Variants in SYTL5 observed in about 807,000 individuals in gnomAD.
SYTL5 encodes synaptotagmin like 5, also known as synaptotagmin-like protein 5.
In SYTL5, 34 loss-of-function variants were observed where a neutral mutation model predicts 55.9. The observed-to-expected ratio is 0.61, with a 90% CI of 0.46 to 0.81. The LOEUF (loss-of-function observed/expected upper bound fraction) is 0.81. SYTL5 is among the 30% of genes least tolerant of loss of function. The probability of loss-of-function intolerance (pLI) is 0.00; values close to 1 mark genes in which losing one functional copy is unlikely to be tolerated. For synonymous variants in SYTL5, 221 were observed against 188.7 expected (o/e 1.17, Z -1.40); for missense variants, 637 against 546.7 (o/e 1.17, Z -1.65).
chrX:37,980,364 A>G, the SYTL5 span, among the ~76,000 whole-genome samples: 1 of 111,665 alleles, frequency 9.0e-6, no homozygotes, highest in Non-Finnish European at 1.9e-5. Flanking sequence ...ACAGTTATCT[A>G]TTGCCCCAAT....
intron 2 of SYTL5, among the ~76,000 whole-genome samples, chrX:38,041,789 C>T (rs190209044): frequency 8.9e-6 from 1 of 111,993 alleles, no homozygotes; most frequent in South Asian, 3.7e-4. Flanking sequence ...TTGGATTGTC[C>T]AAATAAATAA....
chrX:37,919,133 C>A, the SYTL5 span, among the ~76,000 whole-genome samples: 1 of 111,347 alleles, frequency 9.0e-6, no homozygotes, highest in Non-Finnish European at 1.9e-5. Context: ...AAGGTGTTGA[C>A]AGGACTTAGA....
the SYTL5 span, among the ~76,000 whole-genome samples, chrX:37,979,804 C>A: frequency 2.9e-5 from 3 of 105,134 alleles, no homozygotes; most frequent in Non-Finnish European, 5.9e-5. Flanking sequence ...TTTAAATTTT[C>A]TTTTCTTTTC....
chrX:38,122,712 G>A lies in SYTL5; in HGVS notation c.1841+497G>A, dbSNP rs139018467. ...CCAAGACCACCTGCTAGGCATTTGT[G>A]CCCAAGTTGTGGAGCAAAGGGCAGC... On this transcript the variant is annotated intron_variant, in intron 15 of 16. Transcript: ENST00000297875. 8.4e-3 allele frequency among the ~76,000 whole-genome samples: 941 copies of A among 112,062 alleles called. 4 individuals are homozygous for A. Among genetic ancestry groups the A allele is most frequent in the Middle Eastern group, 0.042 (9 of 216 alleles).
intron 15 of SYTL5, 126 bp from the exon 16 acceptor site, chrX:38,125,172 A>G (rs1162323266): frequency 1.9e-6 from 1 of 539,413 alleles, no homozygotes; most frequent in Non-Finnish European, 2.9e-6. Context: ...AGTTCACTAT[A>G]TAAATCCAGA....
At chrX:38,107,754 C>G (rs1258704318) in intron 11 of SYTL5, among the ~76,000 whole-genome samples, 1 of 111,736 alleles carries the variant, frequency 8.9e-6, no homozygotes, top group Admixed American at 9.5e-5. Context: ...TCCAAATCCC[C>G]TAAGATAGAC....
chrX:38,036,199 G>A (rs775700029), intron 2 of SYTL5, among the ~76,000 whole-genome samples: 1 of 110,357 alleles, frequency 9.1e-6, no homozygotes, highest in African/African-American at 3.3e-5. Flanking sequence ...CCAGCTACTC[G>A]GGAGGCTGAG....
chrX:38,034,364 C>T (rs756505976), intron 2 of SYTL5, among the ~76,000 whole-genome samples: 2 of 112,097 alleles, frequency 1.8e-5, no homozygotes, highest in East Asian at 2.8e-4. Context: ...GTTTCCTCAT[C>T]GGTAAAACAA....
the SYTL5 span, among the ~76,000 whole-genome samples, chrX:37,995,150 G>C: frequency 1.8e-5 from 2 of 110,659 alleles, no homozygotes. Context: ...GGAAGGCCTT[G>C]TGAGGCCAGG....
chrX:38,076,445 C>G (rs910075508), intron 5 of SYTL5, 122 bp from the exon 6 acceptor site: 1 of 600,674 alleles, frequency 1.7e-6, no homozygotes, highest in African/African-American at 2.3e-5. Flanking sequence ...AACCTCTCAG[C>G]CCTAAGGCTG....
chrX:37,890,863 T>C, the SYTL5 span, among the ~76,000 whole-genome samples: 8 of 111,559 alleles, frequency 7.2e-5, no homozygotes, highest in Non-Finnish European at 1.5e-4. Flanking sequence ...CCTACTAGGA[T>C]GGCTATAATA....
At chrX:38,067,484 T>C (rs1217885564) in intron 3 of SYTL5, among the ~76,000 whole-genome samples, 1 of 111,753 alleles carries the variant, frequency 8.9e-6, no homozygotes, top group African/African-American at 3.2e-5. Context: ...TTTTGTGTAC[T>C]CTTTGCCTCC....
rs1178882597 is a variant in SYTL5 at position 38,072,103 on chromosome X, A to G, written c.386A>G (p.Lys129Arg). ...WFFEEKAKRF[K>R]QVNVLGTDVV... is the part of the protein sequence containing the mutation. ...TTTGAAGAAAAGGCAAAACGTTTCA[A>G]GCAAGTCAATGTTCTCGGCACTGAT... The change falls in exon 4 of 17, where the codon AAG becomes AGG. Residue 129 changes from lysine to arginine, a missense_variant. Lys to Arg is a conservative substitution (Grantham distance 26, BLOSUM62 2). Transcript: ENST00000297875. 1.7e-6 allele frequency: 2 copies of G among 1,209,649 alleles called. No individual in the cohort carries two copies. The highest frequency in any genetic ancestry group is 2.2e-6 in the Non-Finnish European group (2 of 894,807).
At chrX:38,107,415 G>A (rs1321136461) in intron 11 of SYTL5, among the ~76,000 whole-genome samples, 2 of 111,859 alleles carry the variant, frequency 1.8e-5, no homozygotes, top group East Asian at 5.6e-4. Flanking sequence ...TTCCTCTGGC[G>A]ATGAGTTCTG....
the SYTL5 span, among the ~76,000 whole-genome samples, chrX:37,905,248 G>A: frequency 4.6e-3 from 506 of 110,839 alleles, 1 homozygote; most frequent in African/African-American, 0.016. Flanking sequence ...GGGGGGATAT[G>A]AGAGAGGAGA....
chrX:37,952,331 A>G, the SYTL5 span, among the ~76,000 whole-genome samples: 1 of 111,829 alleles, frequency 8.9e-6, no homozygotes, highest in Non-Finnish European at 1.9e-5. Flanking sequence ...GATGGTAGAC[A>G]GGGTCCAATT....
chrX:38,092,629 G>A (rs1044028153), intron 7 of SYTL5, among the ~76,000 whole-genome samples: 20 of 111,167 alleles, frequency 1.8e-4, no homozygotes, highest in African/African-American at 6.6e-4. Context: ...CTGATTGGAT[G>A]TTGCCCACTC....
intron 3 of SYTL5, among the ~76,000 whole-genome samples, chrX:38,063,028 T>G (rs1935997764): frequency 9.0e-6 from 1 of 111,144 alleles, no homozygotes; most frequent in Non-Finnish European, 1.9e-5. Context: ...CCAAATCCTA[T>G]AGTAAATCCT....
the SYTL5 span, among the ~76,000 whole-genome samples, chrX:37,993,266 A>C: frequency 8.9e-6 from 1 of 112,284 alleles, no homozygotes; most frequent in African/African-American, 3.2e-5. Flanking sequence ...AAAATACAGA[A>C]TTAGTAGAGA....
Sources: gnomAD v4.1 joint callset for allele counts (sites outside exome capture counted in the v4.1 genomes callset) on GRCh38, gnomAD v4.1.1 for gene constraint, MANE v1.5 for transcripts, NCBI Gene and HGNC (gene_info 2026-07-23, HGNC 2026-07-21) for gene names.